ZNF236: variants seen among roughly 807,000 people sequenced by gnomAD.
ZNF236 encodes the protein zinc finger protein 236, also known as regulated by glucose.
Under a neutral mutation model 191.2 loss-of-function variants are expected in ZNF236, and 50 were observed. The observed-to-expected ratio is 0.26, with a 90% CI of 0.21 to 0.33. The LOEUF is 0.33. Ranked by LOEUF, ZNF236 falls within the 10% of genes least tolerant of loss-of-function variation. The pLI is 1.00. For synonymous variants in ZNF236, 907 were observed against 928.8 expected (o/e 0.98, Z 0.43); for missense variants, 1,754 against 2,374.5 (o/e 0.74, Z 5.43).
intron 3 of ZNF236, among the ~76,000 whole-genome samples, chr18:76,858,780 G>A (rs1414795031): frequency 5.2e-5 from 1 of 19,262 alleles, no homozygotes; most frequent in Non-Finnish European, 1.2e-4. Context: ...GGGTGCAGGT[G>A]GAGGAGAAAG....
intron 3 of ZNF236, among the ~76,000 whole-genome samples, chr18:76,862,206 A>G (rs968473901): frequency 6.6e-6 from 1 of 152,138 alleles, no homozygotes; most frequent in Non-Finnish European, 1.5e-5. Flanking sequence ...ACGGTTTTGA[A>G]GAAGCCTGCA....
chr18:76,882,088 A>G (rs184557106), intron 9 of ZNF236, among the ~76,000 whole-genome samples: 49 of 152,308 alleles, frequency 3.2e-4, no homozygotes, highest in African/African-American at 1.2e-3. Context: ...TCTAGGCACA[A>G]ACTTATTAGA....
In ZNF236 at chr18:76,881,194, A is replaced by C. The variant is rs1423590373; in HGVS notation, c.1189-90A>C. 4 of 1,096,920 alleles carry C rather than the reference A, an allele frequency of 3.6e-6. No homozygotes were observed. The African/African-American group carries it at 6.4e-5, about 17-fold the overall frequency. The allele number at this position is 1,096,920 out of a possible 1,614,324, so 67.9% of individuals were successfully genotyped here. On this transcript the variant is annotated intron_variant, in intron 8 of 30. Transcript: ENST00000320610. ...GATTCTTATTTCTTGGAGTGGAATT[A>C]GAATTCTATAGGTAAAGCTTTTGAC...
chr18:76,938,273 C>A (rs1968049089), intron 26 of ZNF236, among the ~76,000 whole-genome samples: 1 of 152,074 alleles, frequency 6.6e-6, no homozygotes, highest in Non-Finnish European at 1.5e-5. Flanking sequence ...ACCTGTAGTA[C>A]TAGGTACTCC....
intron 27 of ZNF236, among the ~76,000 whole-genome samples, chr18:76,953,529 T>C (rs908330141): frequency 6.6e-5 from 10 of 152,176 alleles, no homozygotes; most frequent in South Asian, 2.1e-4. Flanking sequence ...ACCCTGCCAA[T>C]AGAGACAGAG....
chr18:76,931,429 A>G (rs540226088), intron 25 of ZNF236, among the ~76,000 whole-genome samples: 1 of 152,332 alleles, frequency 6.6e-6, no homozygotes, highest in African/African-American at 2.4e-5. Flanking sequence ...AATGTTACCA[A>G]CCAATCGATG....
chr18:76,878,130 C>T lies in ZNF236; in HGVS notation c.962C>T (p.Thr321Ile), dbSNP rs1223220198. ...GGGCCACAGAATTCAACAAGTTCTACAGAGACTGCTCATGTTTTAACGGTA... is the reference window on the plus strand; with the variant it reads ...GGGCCACAGAATTCAACAAGTTCTATAGAGACTGCTCATGTTTTAACGGTA... ...MGGPQNSTSS[T>I]ETAHVLTATL... Residue 321 changes from threonine to isoleucine, a missense_variant, in exon 7 of 31, where the codon ACA becomes ATA. Transcript: ENST00000320610. 1 of 1,611,372 alleles carries T rather than the reference C, an allele frequency of 6.2e-7. No homozygotes were observed. The highest frequency in any genetic ancestry group is 8.5e-7 in the Non-Finnish European group (1 of 1,178,628).
chr18:76,955,763 T>C (rs77149142), intron 27 of ZNF236, among the ~76,000 whole-genome samples: 7,346 of 152,260 alleles, frequency 0.048, 320 homozygotes, highest in African/African-American at 0.11. Context: ...ATTCCTTAGC[T>C]GCTGTTGTGT....
intron 17 of ZNF236, among the ~76,000 whole-genome samples, chr18:76,912,875 A>G (rs1218731018): frequency 6.6e-6 from 1 of 152,182 alleles, no homozygotes; most frequent in Non-Finnish European, 1.5e-5. Context: ...CTGGTCTCAA[A>G]CTCCTGACCT....
chr18:76,863,493 C>T (rs1038412393), intron 3 of ZNF236, among the ~76,000 whole-genome samples: 10 of 152,036 alleles, frequency 6.6e-5, no homozygotes, highest in African/African-American at 7.2e-5. Flanking sequence ...CAGGTGACAG[C>T]GAATTTCTCA....
rs765608655 is a variant in ZNF236, at chr18:76,925,309, G to A, written c.3782G>A (p.Arg1261His). 3 of 1,614,032 alleles carry A rather than the reference G, an allele frequency of 1.9e-6. No individual in the cohort carries two copies. The highest frequency in any genetic ancestry group is 1.3e-5 in the African/African-American group (1 of 74,896). Reference sequence around the variant, plus strand: ...TTCAAATGCCCGCATTGCGAGCTGCGTTTCCGTACCTCGGGTAGAAGAAAG... The same window carrying A: ...TTCAAATGCCCGCATTGCGAGCTGCATTTCCGTACCTCGGGTAGAAGAAAG... ...KPFKCPHCEL[R>H]FRTSGRRKTH... is the part of the protein sequence containing the mutation. The change falls in exon 22 of 31, where the codon CGT (arginine) becomes CAT (histidine). Residue 1261 changes from arginine to histidine, a missense_variant. By Grantham distance (29) the Arg-to-His change is conservative. This residue lies in a region of ZNF236 where 45 missense variants were observed against 137.4 expected (regional missense o/e 0.33). Transcript: ENST00000320610. The surrounding 1 kb of genome is among the most constrained non-coding windows in gnomAD (Gnocchi z 5.7).
At chr18:76,902,995 G>T (rs550842791) in intron 11 of ZNF236, among the ~76,000 whole-genome samples, 2 of 152,298 alleles carry the variant, frequency 1.3e-5, no homozygotes, top group South Asian at 2.1e-4. Context: ...CTTTGATACA[G>T]CTCTGATTGT....
Position 76,905,297 on chromosome 18 carries a change from G to C in ZNF236, c.2179G>C (p.Gly727Arg). 6.2e-7 allele frequency: 1 copy of C among 1,614,176 alleles called. No individual in the cohort carries two copies. Among genetic ancestry groups the C allele is most frequent in the Non-Finnish European group, 8.5e-7 (1 of 1,180,042 alleles). The change falls in exon 13 of 31, where the codon GGT (glycine) becomes CGT (arginine). Residue 727 changes from glycine to arginine, a missense_variant. Gly to Arg is a moderately radical substitution (Grantham distance 125). This residue lies in a region of ZNF236 where 641 missense variants were observed against 869.6 expected (regional missense o/e 0.74). Transcript: ENST00000320610. ...CLICNGAFTT[G>R]GSLRRHMGIH... ...GATATGTAATGGGGCTTTCACTACT[G>C]GTGGCAGCTTACGGCGACACATGGG...
In ZNF236 at chr18:76,828,613, T is replaced by A. The variant is rs1258123103; in HGVS notation, c.55+5951T>A. ...ACAATATCAGGTGTCTATCCAAGGA[T>A]GAAACCCTCCACTCTCCATAATTGA... is the stretch of plus-strand genomic sequence containing the variant. On this transcript the variant is annotated intron_variant, in intron 1 of 30. Transcript: ENST00000320610. Among the ~76,000 whole-genome samples, 2 of 152,234 alleles carry A rather than the reference T, an allele frequency of 1.3e-5. 1 individual carries two copies. The highest frequency in any genetic ancestry group is 4.8e-5 in the African/African-American group (2 of 41,456).
chr18:76,890,652 G>A (rs1280975637), intron 9 of ZNF236, among the ~76,000 whole-genome samples: 1 of 152,074 alleles, frequency 6.6e-6, no homozygotes, highest in African/African-American at 2.4e-5. Flanking sequence ...GTGTCTTATT[G>A]TACGTTTAAT....
intron 9 of ZNF236, among the ~76,000 whole-genome samples, chr18:76,893,504 T>C (rs1782613261): frequency 1.3e-5 from 2 of 152,164 alleles, no homozygotes; most frequent in African/African-American, 4.8e-5. Flanking sequence ...TTTTTCTACC[T>C]TTCTTTCCTT....
In ZNF236 at chr18:76,937,336, C is replaced by T. The variant is rs780396186; in HGVS notation, c.4775C>T (p.Thr1592Ile). 6.2e-7 allele frequency: 1 copy of T among 1,607,822 alleles called. No homozygotes were observed. Among genetic ancestry groups the T allele is most frequent in the Non-Finnish European group, 8.5e-7 (1 of 1,175,546 alleles). Residue 1592 changes from threonine (T) to isoleucine (I), a missense_variant, in exon 26 of 31, where the codon ACC becomes ATC. Physicochemically the swap from Thr to Ile is moderately conservative, Grantham distance 89. This residue lies in a region of ZNF236 where 606 missense variants were observed against 761.5 expected (regional missense o/e 0.80). Coordinates refer to ENST00000320610, the MANE Select transcript of ZNF236 (RefSeq NM_001306089.2). ...CTGGACACTGTCACACTCAACATCA[C>T]CTCTCAGGCAAGTGCTCCTCAGAGA... The part of the protein sequence containing the change: ...GGLDTVTLNI[T>I]SQGQQFPALL...
At chr18:76,930,028 C>A (rs1447386426) in intron 25 of ZNF236, among the ~76,000 whole-genome samples, 3 of 152,102 alleles carry the variant, frequency 2.0e-5, no homozygotes, top group African/African-American at 7.2e-5. Flanking sequence ...CCGGAATTAC[C>A]CTGTCCAGAT....
chr18:76,847,680 A>T (rs540728246), intron 1 of ZNF236, among the ~76,000 whole-genome samples: 1 of 152,162 alleles, frequency 6.6e-6, no homozygotes, highest in Non-Finnish European at 1.5e-5. Context: ...CGTGTTAGCC[A>T]GGATGGTCTT....
Sources: gnomAD v4.1 joint callset for allele counts (sites outside exome capture counted in the v4.1 genomes callset) on GRCh38, gnomAD v4.1.1 for gene constraint, gnomAD v4.1.1 regional missense constraint, Gnocchi (gnomAD v3.1) non-coding constraint, MANE v1.5 for transcripts, NCBI Gene and HGNC (gene_info 2026-07-23, HGNC 2026-07-21) for gene names.